KCNIP4: variants seen among roughly 807,000 people sequenced by gnomAD.
The protein encoded by KCNIP4 is Kv channel-interacting protein 4.
Under a neutral mutation model 34.0 loss-of-function variants are expected in KCNIP4, and 12 were observed. That is an observed-to-expected ratio of 0.35 (90% CI 0.23 to 0.57). The LOEUF (loss-of-function observed/expected upper bound fraction) is 0.57. KCNIP4 is among the 20% of genes least tolerant of loss of function. KCNIP4 has a pLI of 0.83. For missense variants in KCNIP4, 238 were observed against 311.7 expected (o/e 0.76, Z 1.78); for synonymous variants, 124 against 102.2 (o/e 1.21, Z -1.29).
intron 1 of KCNIP4, among the ~76,000 whole-genome samples, chr4:21,396,557 A>AAAAAAAAAAAAAAT (rs1342918172): frequency 9.4e-5 from 14 of 149,198 alleles, no homozygotes; most frequent in Non-Finnish European, 1.6e-4. Context: ...TCCAAAAAAA[A>AAAAAAAAAAAAAAT]AAAAAAAAAA....
At chr4:20,859,362 T>G (rs975294386) in intron 2 of KCNIP4, among the ~76,000 whole-genome samples, 1 of 152,224 alleles carries the variant, frequency 6.6e-6, no homozygotes, top group Non-Finnish European at 1.5e-5. Flanking sequence ...CACTCAGGTA[T>G]CTTGCAGAAG....
At chr4:21,409,202 G>A (rs1277830511) in intron 1 of KCNIP4, among the ~76,000 whole-genome samples, 3 of 151,340 alleles carry the variant, frequency 2.0e-5, no homozygotes, top group Admixed American at 1.3e-4. Context: ...GACCTCCTGG[G>A]CTCAAGCCAT....
At chr4:21,132,139 C>G (rs569889423) in intron 1 of KCNIP4, among the ~76,000 whole-genome samples, 2 of 152,250 alleles carry the variant, frequency 1.3e-5, no homozygotes, top group African/African-American at 2.4e-5. Context: ...TTTTGTTGCC[C>G]TTGTTTCAGA....
At chr4:21,570,860 GC>G (rs1353844418) in intron 1 of KCNIP4, among the ~76,000 whole-genome samples, 1 of 152,024 alleles carries the variant, frequency 6.6e-6, no homozygotes, top group African/African-American at 2.4e-5. Flanking sequence ...ACACTATACA[GC>G]AGCTGTTATT....
chr4:21,255,559 G>C (rs1761005748), intron 1 of KCNIP4, among the ~76,000 whole-genome samples: 1 of 150,980 alleles, frequency 6.6e-6, no homozygotes. Context: ...TGGGTGATCA[G>C]TCTTTGTTTT....
intron 1 of KCNIP4, among the ~76,000 whole-genome samples, chr4:21,298,893 C>T (rs779229991): frequency 3.9e-5 from 6 of 152,064 alleles, no homozygotes; most frequent in Non-Finnish European, 5.9e-5. Context: ...ACACTTTCTC[C>T]CCTTTGCAAA....
At chr4:21,376,918 AACT>A (rs1721013379) in intron 1 of KCNIP4, among the ~76,000 whole-genome samples, 1 of 152,230 alleles carries the variant, frequency 6.6e-6, no homozygotes, top group East Asian at 1.9e-4. Context: ...TTATTTTAAG[AACT>A]ACTGCTTGTT....
intron 1 of KCNIP4, among the ~76,000 whole-genome samples, chr4:21,804,292 T>C (rs1721171890): frequency 6.6e-6 from 1 of 152,256 alleles, no homozygotes; most frequent in Admixed American, 6.5e-5. Flanking sequence ...GGTTGTGTTC[T>C]TGTTTTGTTT....
At chr4:20,935,227 G>A (rs1301952936) in intron 1 of KCNIP4, among the ~76,000 whole-genome samples, 1 of 152,188 alleles carries the variant, frequency 6.6e-6, no homozygotes, top group African/African-American at 2.4e-5. Context: ...ACTAACTAGA[G>A]AGACTGAAAA....
At chr4:21,327,084 C>A (rs146607720) in intron 1 of KCNIP4, among the ~76,000 whole-genome samples, 2 of 152,056 alleles carry the variant, frequency 1.3e-5, no homozygotes, top group African/African-American at 4.8e-5. Context: ...TTACACATGA[C>A]GATTACAGTG....
intron 1 of KCNIP4, among the ~76,000 whole-genome samples, chr4:21,939,560 C>T (rs1233614217): frequency 6.6e-6 from 1 of 152,090 alleles, no homozygotes; most frequent in Non-Finnish European, 1.5e-5. Flanking sequence ...TTATACTTGT[C>T]CCCAAGATTT....
chr4:21,800,172 T>C (rs17507672), intron 1 of KCNIP4, among the ~76,000 whole-genome samples: 54,895 of 152,050 alleles, frequency 0.36, 11,349 homozygotes, highest in East Asian at 0.64. Context: ...GTTAAAAAAA[T>C]CAAATTATCA....
At chr4:21,156,849 T>A (rs1422322502) in intron 1 of KCNIP4, among the ~76,000 whole-genome samples, 1 of 152,138 alleles carries the variant, frequency 6.6e-6, no homozygotes, top group Non-Finnish European at 1.5e-5. Flanking sequence ...CAAAGCCCCA[T>A]AGCCAACTAA....
chr4:21,036,212 A>T (rs1367729307), intron 1 of KCNIP4, among the ~76,000 whole-genome samples: 1 of 152,172 alleles, frequency 6.6e-6, no homozygotes, highest in Non-Finnish European at 1.5e-5. Context: ...TGCCTTTATG[A>T]ATACTGTATA....
At chr4:21,790,670 C>T (rs747972115) in intron 1 of KCNIP4, among the ~76,000 whole-genome samples, 20 of 152,058 alleles carry the variant, frequency 1.3e-4, no homozygotes, top group Middle Eastern at 6.8e-3. Flanking sequence ...CCACACTGTA[C>T]TCATAAAGTA....
At chr4:21,126,632 AG>A (rs66484506) in intron 1 of KCNIP4, among the ~76,000 whole-genome samples, 1,955 of 87,890 alleles carry the variant, frequency 0.022, 30 homozygotes, top group African/African-American at 0.027. Context: ...AAAAAAAAAA[AG>A]AAAAGAAAAA....
chr4:21,725,752 T>C (rs1715149785), intron 1 of KCNIP4, among the ~76,000 whole-genome samples: 1 of 152,186 alleles, frequency 6.6e-6, no homozygotes, highest in South Asian at 2.1e-4. Context: ...CAACATTAAC[T>C]GTTAAATTCT....
chr4:21,033,932 C>T (rs1189364438), intron 1 of KCNIP4, among the ~76,000 whole-genome samples: 1 of 152,120 alleles, frequency 6.6e-6, no homozygotes, highest in South Asian at 2.1e-4. Flanking sequence ...CATATGGTCT[C>T]TCTGGCAAAA....
intron 1 of KCNIP4, among the ~76,000 whole-genome samples, chr4:21,604,615 C>G (rs943036817): frequency 6.6e-6 from 1 of 152,094 alleles, no homozygotes; most frequent in Non-Finnish European, 1.5e-5. Flanking sequence ...AAAAATAACC[C>G]TCATTAATCT....
Sources: allele counts gnomAD v4.1 joint callset (sites outside exome capture counted in the v4.1 genomes callset), GRCh38; gene constraint gnomAD v4.1.1; transcripts MANE v1.5; gene names NCBI Gene and HGNC (gene_info 2026-07-23, HGNC 2026-07-21).